Variants in COL22A1 observed in about 807,000 individuals in gnomAD.
COL22A1 encodes the protein collagen type XXII alpha 1 chain.
COL22A1 carries 221 observed loss-of-function variants against 248.9 expected under a neutral mutation model. That is an observed-to-expected ratio of 0.89 (90% CI 0.80 to 0.99). The LOEUF (loss-of-function observed/expected upper bound fraction) is 0.99. Among genes scored for constraint, COL22A1 ranks in the 50% least tolerant of loss-of-function variants. The pLI, the probability that COL22A1 is intolerant of heterozygous loss-of-function variation, is 0.00. For synonymous variants in COL22A1, 891 were observed against 793.4 expected, an observed-to-expected ratio of 1.12 and a Z score of -2.07; for missense variants, 2,240 against 2,179.0, an observed-to-expected ratio of 1.03 and a Z score of -0.56.
chr8:138,812,291 C>A (rs1007166002), intron 8 of COL22A1, among the ~76,000 whole-genome samples: 1 of 152,206 alleles, frequency 6.6e-6, no homozygotes, highest in Non-Finnish European at 1.5e-5. Flanking sequence ...TATCTGCATG[C>A]CACAGAAGCC....
Position 138,589,410 on chromosome 8 carries a change from T to C in COL22A1, c.4724A>G (p.Asp1575Gly), listed in dbSNP as rs753021910. The stretch of plus-strand genomic sequence containing the variant: ...AGGGCCAGGGATCCCAGGAAGTCCA[T>C]CTTTAGCATAGCCAGGTTCCCCGGG... Reference protein sequence around the residue: ...GQPGEPGYAKDGLPGIPGPQG... With the variant: ...GQPGEPGYAKGGLPGIPGPQG... The change falls in exon 65 of 65, where the codon GAT becomes GGT. Residue 1575 changes from aspartate (D) to glycine (G), a missense_variant. Physicochemically the swap from Asp to Gly is moderately conservative, Grantham distance 94 (BLOSUM62 -1). Transcript: ENST00000303045. The C allele has an allele frequency of 6.3e-7, 1 of 1,585,092 alleles. No homozygotes were observed.
chr8:138,700,239 A>C, intron 31 of COL22A1, 95 bp from the exon 32 acceptor site: 1 of 1,157,908 alleles, frequency 8.6e-7, no homozygotes, highest in Non-Finnish European at 1.3e-6. Flanking sequence ...CAAGTGAAAG[A>C]ATACAGCCCC....
intron 1 of COL22A1, among the ~76,000 whole-genome samples, chr8:138,910,361 G>A (rs1156513810): frequency 6.6e-6 from 1 of 152,024 alleles, no homozygotes; most frequent in Non-Finnish European, 1.5e-5. Context: ...AGAACCACAT[G>A]GGCACACACA....
intron 60 of COL22A1, among the ~76,000 whole-genome samples, chr8:138,599,457 C>A (rs991235007): frequency 6.6e-6 from 1 of 152,064 alleles, no homozygotes; most frequent in East Asian, 1.9e-4. Context: ...CCAGCCTGGG[C>A]GACAGAGCAA....
chr8:138,875,178 T>C (rs949409727), intron 3 of COL22A1, among the ~76,000 whole-genome samples: 1 of 152,130 alleles, frequency 6.6e-6, no homozygotes, highest in African/African-American at 2.4e-5. Flanking sequence ...GGCCTTTCCA[T>C]TGAAAGTGAT....
At chr8:138,910,514 C>T (rs1815379858) in intron 1 of COL22A1, among the ~76,000 whole-genome samples, 1 of 152,158 alleles carries the variant, frequency 6.6e-6, no homozygotes, top group Admixed American at 6.5e-5. Context: ...TCTCTGTTCC[C>T]TGGTCTGTGA....
At chr8:138,870,376 A>G (rs1296215770) in intron 3 of COL22A1, among the ~76,000 whole-genome samples, 2 of 150,956 alleles carry the variant, frequency 1.3e-5, no homozygotes, top group African/African-American at 2.4e-5. Context: ...TGTATAGCCT[A>G]TGTGCAGTGT....
intron 1 of COL22A1, among the ~76,000 whole-genome samples, chr8:138,907,408 C>T (rs866727728): frequency 6.6e-6 from 1 of 152,184 alleles, no homozygotes; most frequent in Non-Finnish European, 1.5e-5. Flanking sequence ...CAAGAAAAAC[C>T]TCTTGAAAGG....
At chr8:138,902,737 TATACACACACACACACAC>T (rs1231158610) in intron 1 of COL22A1, among the ~76,000 whole-genome samples, 10 of 107,062 alleles carry the variant, frequency 9.3e-5, no homozygotes, top group East Asian at 5.5e-4. Flanking sequence ...TATATATATA[TATACACACACACACACAC>T]ACACACACAC....
At chr8:138,625,585 A>G (rs1820172049) in intron 51 of COL22A1, among the ~76,000 whole-genome samples, 1 of 152,254 alleles carries the variant, frequency 6.6e-6, no homozygotes, top group African/African-American at 2.4e-5. Context: ...AGTATGTGTC[A>G]AGAACCTTAG....
chr8:138,675,034 A>C (rs1275698929), intron 41 of COL22A1, among the ~76,000 whole-genome samples: 3 of 152,230 alleles, frequency 2.0e-5, no homozygotes, highest in African/African-American at 7.2e-5. Flanking sequence ...TAACCAAACT[A>C]GACATTCCCA....
chr8:138,704,274 T>C (rs1047292036), intron 30 of COL22A1, among the ~76,000 whole-genome samples: 1 of 151,894 alleles, frequency 6.6e-6, no homozygotes, highest in Non-Finnish European at 1.5e-5. Context: ...TTGAAGAGAG[T>C]AGTGGTTCTC....
intron 3 of COL22A1, among the ~76,000 whole-genome samples, chr8:138,854,429 A>G (rs1450815100): frequency 2.6e-5 from 4 of 152,116 alleles, no homozygotes; most frequent in Admixed American, 6.5e-5. Context: ...AGTGACACAA[A>G]CACACTGAGG....
chr8:138,613,697 T>C (rs868363558), intron 56 of COL22A1, among the ~76,000 whole-genome samples, 170 bp downstream of exon 56: 6 of 102,036 alleles, frequency 5.9e-5, no homozygotes, highest in African/African-American at 8.0e-5. Flanking sequence ...ATCTGAGTGT[T>C]GGGGGAGGTG....
intron 22 of COL22A1, 106 bp from the exon 23 acceptor site, chr8:138,737,683 T>C: frequency 2.8e-6 from 2 of 721,208 alleles, no homozygotes; most frequent in East Asian, 5.1e-5. Context: ...ACTCTCAACC[T>C]CCCAGATTAA....
At chr8:138,825,567 C>T (rs1314967152) in intron 6 of COL22A1, among the ~76,000 whole-genome samples, 5 of 152,208 alleles carry the variant, frequency 3.3e-5, no homozygotes, top group African/African-American at 1.2e-4. Flanking sequence ...GCCCTCCAAA[C>T]AATCCCCAGC....
At chr8:138,763,567 G>A (rs904104085) in intron 16 of COL22A1, among the ~76,000 whole-genome samples, 1 of 152,052 alleles carries the variant, frequency 6.6e-6, no homozygotes, top group Non-Finnish European at 1.5e-5. Context: ...GTTCCCAGTG[G>A]GGGTCCTTCT....
At chr8:138,761,720 T>C (rs1474613355) in intron 17 of COL22A1, among the ~76,000 whole-genome samples, 1 of 152,208 alleles carries the variant, frequency 6.6e-6, no homozygotes, top group Non-Finnish European at 1.5e-5. Context: ...TATTTCATTT[T>C]AGTTTTTAAA....
At chr8:138,834,347 GA>G (rs71316365) in intron 4 of COL22A1, among the ~76,000 whole-genome samples, 7,937 of 128,558 alleles carry the variant, frequency 0.062, 271 homozygotes, top group African/African-American at 0.12. Context: ...AAGAGAAAAA[GA>G]AAAAAAAAAA....
Sources: gnomAD v4.1 joint callset for allele counts (sites outside exome capture counted in the v4.1 genomes callset) on GRCh38, gnomAD v4.1.1 for gene constraint, MANE v1.5 for transcripts, NCBI Gene and HGNC (gene_info 2026-07-23, HGNC 2026-07-21) for gene names.